The following AIG1 variants were observed in gnomAD, a reference collection of about 807,000 sequenced individuals.
AIG1 encodes androgen induced 1, also known as androgen-induced gene 1 protein.
AIG1 carries 23 observed loss-of-function variants against 31.4 expected under a neutral mutation model. That is an observed-to-expected ratio of 0.73 (90% CI 0.53 to 1.04). AIG1 has a LOEUF of 1.04. Among genes scored for constraint, AIG1 ranks in the 50% least tolerant of loss-of-function variants. The pLI, the probability that AIG1 is intolerant of heterozygous loss-of-function variation, is 0.00. For missense variants in AIG1, 274 were observed against 295.0 expected (o/e 0.93, Z 0.52); for synonymous variants, 100 against 110.5 (o/e 0.90, Z 0.60).
At chr6:143,144,105 A>G (rs1377172944) in intron 2 of AIG1, among the ~76,000 whole-genome samples, 1 of 152,240 alleles carries the variant, frequency 6.6e-6, no homozygotes, top group Admixed American at 6.5e-5. Flanking sequence ...CATTTATGCT[A>G]GCTCAGAGTG....
At chr6:143,157,821 C>T (rs1175051741) in intron 2 of AIG1, among the ~76,000 whole-genome samples, 7 of 152,084 alleles carry the variant, frequency 4.6e-5, no homozygotes, top group Non-Finnish European at 1.0e-4. Context: ...TTGGGGCAAA[C>T]TTTTCTGGTT....
intron 4 of AIG1, among the ~76,000 whole-genome samples, chr6:143,309,041 T>A (rs1210028783): frequency 6.6e-6 from 1 of 151,952 alleles, no homozygotes; most frequent in Non-Finnish European, 1.5e-5. Context: ...GTGGGGGGCT[T>A]CCTTTTACTT....
intron 1 of AIG1, among the ~76,000 whole-genome samples, chr6:143,136,141 G>C (rs1026243808): frequency 6.6e-6 from 1 of 152,060 alleles, no homozygotes; most frequent in Admixed American, 6.6e-5. Flanking sequence ...AATTGTATGG[G>C]TATCTCTGTT....
chr6:143,189,706 G>T, intron 3 of AIG1: 1 of 985,270 alleles, frequency 1.0e-6, no homozygotes, highest in East Asian at 1.1e-4. Context: ...TTTAACTGAA[G>T]AACACAATTT....
intron 3 of AIG1, among the ~76,000 whole-genome samples, chr6:143,213,160 G>A (rs936790997): frequency 1.3e-5 from 2 of 152,174 alleles, no homozygotes; most frequent in Non-Finnish European, 2.9e-5. Flanking sequence ...AATGTGCTAA[G>A]GATTTTGATG....
chr6:143,142,696 G>C (rs1043424166), intron 2 of AIG1, among the ~76,000 whole-genome samples: 12 of 152,134 alleles, frequency 7.9e-5, no homozygotes, highest in African/African-American at 2.9e-4. Context: ...ACTCAAAGCT[G>C]TTTGTTAAGT....
chr6:143,138,757 G>T (rs537486771), intron 2 of AIG1, among the ~76,000 whole-genome samples: 1 of 152,058 alleles, frequency 6.6e-6, no homozygotes, highest in African/African-American at 2.4e-5. Context: ...GCCGGGCGTG[G>T]TGGTGGGCTC....
At chr6:143,109,415 T>C (rs1385843359) in intron 1 of AIG1, among the ~76,000 whole-genome samples, 2 of 152,224 alleles carry the variant, frequency 1.3e-5, no homozygotes, top group Non-Finnish European at 2.9e-5. Flanking sequence ...AGTCCACATA[T>C]GTTCAGCTTC....
rs974824095 is a variant in AIG1, at chr6:143,325,499, C to T, written c.516-7783C>T. The stretch of plus-strand genomic sequence containing the variant: ...ACAGGTACCTCAAACTCAACATGTC[C>T]AGACTGAACTCATCATCCCTTCAAA... On this transcript the variant is annotated intron_variant, in intron 4 of 5. Coordinates refer to ENST00000357847, the MANE Select transcript of AIG1 (RefSeq NM_016108.4). This position sits in a 1 kb window ranked among gnomAD's most constrained non-coding sequence, Gnocchi z 4.3. 3.9e-5 allele frequency among the ~76,000 whole-genome samples: 6 copies of T among 152,154 alleles called. No homozygotes were observed. Among genetic ancestry groups the T allele is most frequent in the Non-Finnish European group, 8.8e-5 (6 of 68,028 alleles).
intron 3 of AIG1, among the ~76,000 whole-genome samples, chr6:143,229,673 G>A (rs1249893212): frequency 3.4e-5 from 5 of 148,866 alleles, no homozygotes; most frequent in South Asian, 2.2e-4. Context: ...CATCCCCACA[G>A]ACCACACTCC....
At chr6:143,158,072 G>A (rs1008605014) in intron 2 of AIG1, among the ~76,000 whole-genome samples, 1 of 152,068 alleles carries the variant, frequency 6.6e-6, no homozygotes, top group Non-Finnish European at 1.5e-5. Flanking sequence ...CTCTGTGTGG[G>A]CTCAACTCAT....
intron 2 of AIG1, among the ~76,000 whole-genome samples, chr6:143,158,675 A>G (rs1786031758): frequency 6.6e-6 from 1 of 152,182 alleles, no homozygotes. Context: ...CTCATAGATG[A>G]TCTGAGAAGG....
chr6:143,094,235 CAG>C, intron 1 of AIG1: 1 of 152,304 alleles, frequency 6.6e-6, no homozygotes, highest in East Asian at 1.9e-4. Context: ...CCGTTTGACT[CAG>C]AGATAATAAG....
chr6:143,187,703 A>G, intron 3 of AIG1: 1 of 1,536,058 alleles, frequency 6.5e-7, no homozygotes, highest in Non-Finnish European at 8.7e-7. Context: ...GCCTCTCCAC[A>G]GAAAGCTTGC....
At chr6:143,322,321 A>C (rs1294495184) in intron 4 of AIG1, among the ~76,000 whole-genome samples, 1 of 152,218 alleles carries the variant, frequency 6.6e-6, no homozygotes, top group East Asian at 1.9e-4. Flanking sequence ...AATATGGAAA[A>C]TTATGATTTT....
chr6:143,282,348 A>G (rs1445312934), intron 3 of AIG1, among the ~76,000 whole-genome samples: 15 of 152,206 alleles, frequency 9.9e-5, no homozygotes, highest in African/African-American at 3.6e-4. Flanking sequence ...TTGATAAGAC[A>G]TAGCCTTATT....
At chr6:143,222,004 C>CT (rs1001988876) in intron 3 of AIG1, among the ~76,000 whole-genome samples, 17 of 152,180 alleles carry the variant, frequency 1.1e-4, no homozygotes, top group Admixed American at 1.1e-3. Context: ...TAGCTCTGCA[C>CT]TTTAATAGGC....
Position 143,227,633 on chromosome 6 carries a change from T to G in AIG1, c.400-56477T>G, listed in dbSNP as rs566130340. 7.7e-4 allele frequency among the ~76,000 whole-genome samples: 117 copies of G among 150,974 alleles called. 1 individual carries two copies. Among genetic ancestry groups the G allele is most frequent in the African/African-American group, 2.8e-3 (114 of 41,142 alleles). On this transcript the variant is annotated intron_variant, in intron 3 of 5. Transcript: ENST00000357847. ...AAAGAGCTTGATCTCTTTGGAGTAA[T>G]TTTTTTTTTCAACATGGAAAGCCCT... is the stretch of plus-strand genomic sequence containing the variant.
chr6:143,301,832 G>A (rs1314289046), intron 4 of AIG1, among the ~76,000 whole-genome samples: 3 of 152,182 alleles, frequency 2.0e-5, no homozygotes, highest in East Asian at 3.9e-4. Flanking sequence ...TACTCACCAT[G>A]TCACTGCTTA....
Sources: allele counts gnomAD v4.1 joint callset (sites outside exome capture counted in the v4.1 genomes callset), GRCh38; gene constraint gnomAD v4.1.1; non-coding constraint Gnocchi (gnomAD v3.1); transcripts MANE v1.5; gene names NCBI Gene and HGNC (gene_info 2026-07-23, HGNC 2026-07-21).